Variants in IGSF11 observed in about 807,000 individuals in gnomAD.
IGSF11 encodes immunoglobulin superfamily member 11.
IGSF11 carries 22 observed loss-of-function variants against 41.0 expected under a neutral mutation model. That is an observed-to-expected ratio of 0.54 (90% CI 0.38 to 0.77). The LOEUF is 0.77. IGSF11 is among the 30% of genes least tolerant of loss of function. The pLI is 0.00. For missense variants in IGSF11, 444 were observed against 530.8 expected, an observed-to-expected ratio of 0.84 and a Z score of 1.61; for synonymous variants, 219 against 201.3, an observed-to-expected ratio of 1.09 and a Z score of -0.74.
intron 1 of IGSF11, among the ~76,000 whole-genome samples, chr3:119,095,355 A>C (rs1013761799): frequency 6.6e-6 from 1 of 152,214 alleles, no homozygotes; most frequent in Non-Finnish European, 1.5e-5. Flanking sequence ...AGAGAGCTAA[A>C]ATATTCACAG....
intron 1 of IGSF11, among the ~76,000 whole-genome samples, chr3:119,044,452 G>A: frequency 6.6e-6 from 1 of 152,016 alleles, no homozygotes; most frequent in Admixed American, 6.5e-5. Flanking sequence ...TAGTATTCCT[G>A]AGGAAGAGAA....
At chr3:119,006,084 A>C (rs1271655242) in intron 1 of IGSF11, among the ~76,000 whole-genome samples, 1 of 114,252 alleles carries the variant, frequency 8.8e-6, no homozygotes, top group Non-Finnish European at 1.7e-5. Context: ...CATTCTCCGC[A>C]TCACTTTCAG....
chr3:119,024,560 C>T (rs1178178646), intron 1 of IGSF11, among the ~76,000 whole-genome samples: 1 of 152,064 alleles, frequency 6.6e-6, no homozygotes, highest in Non-Finnish European at 1.5e-5. Context: ...AACAGCTAGG[C>T]AACACTATTG....
intron 3 of IGSF11, 78 bp from the exon 4 acceptor site, chr3:118,926,334 G>T: frequency 8.4e-7 from 1 of 1,184,648 alleles, no homozygotes; most frequent in Non-Finnish European, 1.2e-6. Flanking sequence ...TCAACATTCA[G>T]TACATTGGAC....
At chr3:118,960,404 G>A (rs1406156391) in intron 1 of IGSF11, among the ~76,000 whole-genome samples, 2 of 152,108 alleles carry the variant, frequency 1.3e-5, no homozygotes, top group African/African-American at 2.4e-5. Context: ...TTAGGGAAAA[G>A]GGAAACTGAT....
intron 4 of IGSF11, among the ~76,000 whole-genome samples, chr3:118,913,355 A>T (rs1310713244): frequency 6.6e-6 from 1 of 152,208 alleles, no homozygotes; most frequent in African/African-American, 2.4e-5. Context: ...GATTAATAAA[A>T]ATTAACACAT....
intron 1 of IGSF11, among the ~76,000 whole-genome samples, chr3:119,022,837 A>G (rs1295303856): frequency 3.9e-5 from 6 of 152,208 alleles, no homozygotes; most frequent in Admixed American, 3.9e-4. Context: ...GGCCATACCT[A>G]CTAAAGTTAA....
intron 1 of IGSF11, among the ~76,000 whole-genome samples, chr3:119,043,089 C>A (rs772810649): frequency 7.2e-5 from 11 of 152,186 alleles, no homozygotes; most frequent in Non-Finnish European, 1.6e-4. Flanking sequence ...AACCCAGCGA[C>A]TAGCGTTCAG....
At chr3:119,126,973 C>A (rs1164428379) in intron 1 of IGSF11, among the ~76,000 whole-genome samples, 1 of 152,058 alleles carries the variant, frequency 6.6e-6, no homozygotes, top group Non-Finnish European at 1.5e-5. Flanking sequence ...GCCTCTTCTC[C>A]TCCAAATGAT....
intron 1 of IGSF11, among the ~76,000 whole-genome samples, chr3:119,004,444 T>C (rs1422020745): frequency 1.3e-5 from 2 of 151,718 alleles, no homozygotes; most frequent in East Asian, 3.9e-4. Context: ...TTGAAGGGTT[T>C]TGTGTGTCAC....
At chr3:119,057,041 C>A (rs1324240082) in intron 1 of IGSF11, among the ~76,000 whole-genome samples, 1 of 152,128 alleles carries the variant, frequency 6.6e-6, no homozygotes, top group South Asian at 2.1e-4. Context: ...AAACTGGAAG[C>A]ATTCCCTTTG....
chr3:119,024,815 G>A (rs927821991), intron 1 of IGSF11, among the ~76,000 whole-genome samples: 11 of 152,026 alleles, frequency 7.2e-5, no homozygotes, highest in Admixed American at 6.5e-5. Flanking sequence ...TCAGAGAAAA[G>A]CAGAGAAAGA....
chr3:119,032,356 G>A (rs1238399074), intron 1 of IGSF11, among the ~76,000 whole-genome samples: 6 of 152,120 alleles, frequency 3.9e-5, no homozygotes, highest in Non-Finnish European at 7.3e-5. Flanking sequence ...ATTAAATTCG[G>A]TTAGGGCAAG....
At chr3:118,938,927 A>G (rs1943477084) in intron 1 of IGSF11, among the ~76,000 whole-genome samples, 1 of 152,236 alleles carries the variant, frequency 6.6e-6, no homozygotes, top group Non-Finnish European at 1.5e-5. Flanking sequence ...AGAGCTTCAA[A>G]GTACAAGAAG....
intron 1 of IGSF11, among the ~76,000 whole-genome samples, chr3:118,956,495 G>C (rs1475266235): frequency 1.3e-5 from 2 of 152,132 alleles, no homozygotes; most frequent in East Asian, 3.8e-4. Context: ...GGCTATTACA[G>C]GGTTATCAAC....
chr3:118,912,334 G>C lies in IGSF11; in HGVS notation c.581-6616C>G, dbSNP rs148140492. 4.9e-3 allele frequency among the ~76,000 whole-genome samples: 753 copies of C among 152,284 alleles called. 11 individuals are homozygous for C. Among genetic ancestry groups the C allele is most frequent in the African/African-American group, 0.017 (711 of 41,562 alleles). ...TATCTCCATCCTTGGTTGCCAAGAA[G>C]CTGCAGGACTTGGAGAGTGGGTGTC... On this transcript the variant is annotated intron_variant, in intron 4 of 6. Coordinates refer to ENST00000393775, the MANE Select transcript of IGSF11 (RefSeq NM_001015887.3).
chr3:119,001,898 T>C, intron 1 of IGSF11, among the ~76,000 whole-genome samples: 1 of 131,510 alleles, frequency 7.6e-6, no homozygotes. Flanking sequence ...TGGTTCCAAG[T>C]CTTTGCTATT....
At chr3:118,953,239 G>A (rs1307028103) in intron 1 of IGSF11, among the ~76,000 whole-genome samples, 3 of 151,870 alleles carry the variant, frequency 2.0e-5, no homozygotes, top group South Asian at 4.2e-4. Flanking sequence ...CGCTTTTTAT[G>A]GCTATTATTT....
chr3:119,019,799 C>T (rs981638569), intron 1 of IGSF11, among the ~76,000 whole-genome samples: 2 of 152,130 alleles, frequency 1.3e-5, no homozygotes, highest in Non-Finnish European at 2.9e-5. Context: ...CAGGTTCCCA[C>T]CCCTGTACTG....
Sources: allele counts gnomAD v4.1 joint callset (sites outside exome capture counted in the v4.1 genomes callset), GRCh38; gene constraint gnomAD v4.1.1; transcripts MANE v1.5; gene names NCBI Gene and HGNC (gene_info 2026-07-23, HGNC 2026-07-21).